The following GLRB variants were observed in gnomAD, a reference collection of about 807,000 sequenced individuals.
GLRB encodes the protein glycine receptor subunit beta.
In GLRB, 33 loss-of-function variants were observed where a neutral mutation model predicts 54.2. The observed-to-expected ratio is 0.61, with a 90% confidence interval of 0.46 to 0.81. The LOEUF (loss-of-function observed/expected upper bound fraction) is 0.81. GLRB is among the 40% of genes least tolerant of loss of function. GLRB has a pLI of 0.00. For synonymous variants in GLRB, 209 were observed against 208.2 expected, an observed-to-expected ratio of 1.00 and a Z score of -0.03; for missense variants, 572 against 584.6, an observed-to-expected ratio of 0.98 and a Z score of 0.22.
At chr4:157,147,295 A>C (rs1043247553) in intron 8 of GLRB, among the ~76,000 whole-genome samples, 11 of 152,208 alleles carry the variant, frequency 7.2e-5, no homozygotes, top group Non-Finnish European at 1.3e-4. Context: ...AAGTGAACAA[A>C]GTATTTCTAG....
intron 7 of GLRB, among the ~76,000 whole-genome samples, chr4:157,140,965 TA>T (rs759666816): frequency 1.3e-5 from 2 of 151,676 alleles, no homozygotes; most frequent in East Asian, 1.9e-4. Context: ...AGCTCTACAT[TA>T]AAAAAAATCT....
chr4:157,099,377 C>G (rs1424011543), intron 2 of GLRB, among the ~76,000 whole-genome samples: 1 of 151,292 alleles, frequency 6.6e-6, no homozygotes, highest in East Asian at 1.9e-4. Context: ...CTCACTGTCA[C>G]CCAGGCTGGA....
intron 1 of GLRB, among the ~76,000 whole-genome samples, chr4:157,077,701 GT>G (rs1734086902): frequency 6.7e-6 from 1 of 149,988 alleles, no homozygotes; most frequent in Non-Finnish European, 1.5e-5. Flanking sequence ...ATAATTTTGT[GT>G]AGCTATAGAA....
At chr4:157,103,738 C>T (rs751173597) in intron 2 of GLRB, among the ~76,000 whole-genome samples, 44 of 151,882 alleles carry the variant, frequency 2.9e-4, no homozygotes, top group Admixed American at 3.9e-4. Context: ...TTATAGTTTT[C>T]GGTGGACAAG....
intron 4 of GLRB, 187 bp from the exon 5 acceptor site, chr4:157,136,282 G>T (rs1736395543): frequency 1.7e-6 from 1 of 589,784 alleles, no homozygotes; most frequent in African/African-American, 1.9e-5. Context: ...ATTACATAGA[G>T]ACAAGTGTCT....
At position 157,136,485 on chromosome 4, in the gene GLRB, T is replaced by C; in HGVS notation, c.314T>C (p.Ile105Thr). 6.2e-7 allele frequency: 1 copy of C among 1,603,294 alleles called. No homozygotes were observed. The highest frequency in any genetic ancestry group is 1.3e-5 in the African/African-American group (1 of 74,862). The change falls in exon 5 of 10, where the codon ATC becomes ACC. Residue 105 changes from isoleucine to threonine, a missense_variant. By Grantham distance (89) the Ile-to-Thr change is moderately conservative. Coordinates refer to ENST00000264428, the MANE Select transcript of GLRB (RefSeq NM_000824.5). ...TTTCTTCAGGACTATAGAGTTAACA[T>C]CTTCCTGAGACAAAAATGGAATGAC... ...QETTMDYRVN[I>T]FLRQKWNDPR...
At chr4:157,155,928 G>A (rs531022442) in intron 9 of GLRB, among the ~76,000 whole-genome samples, 1 of 151,904 alleles carries the variant, frequency 6.6e-6, no homozygotes, top group East Asian at 1.9e-4. Context: ...TAACACAAAT[G>A]CTAGATTTGT....
At chr4:157,144,967 G>A (rs1255939027) in intron 8 of GLRB, among the ~76,000 whole-genome samples, 1 of 151,902 alleles carries the variant, frequency 6.6e-6, no homozygotes, top group Non-Finnish European at 1.5e-5. Flanking sequence ...ATTTCATCAT[G>A]GATAAAAACT....
intron 1 of GLRB, among the ~76,000 whole-genome samples, chr4:157,077,710 G>T (rs995207620): frequency 2.0e-5 from 3 of 150,498 alleles, no homozygotes; most frequent in African/African-American, 4.9e-5. Flanking sequence ...TGTAGCTATA[G>T]AATCAGAAAT....
intron 8 of GLRB, among the ~76,000 whole-genome samples, chr4:157,150,685 C>T (rs1290194376): frequency 1.3e-5 from 2 of 152,008 alleles, no homozygotes; most frequent in Non-Finnish European, 2.9e-5. Context: ...GTTTTCCTGA[C>T]AAAGTCATCT....
chr4:157,134,015 A>G (rs1736311054), intron 4 of GLRB, among the ~76,000 whole-genome samples: 1 of 152,046 alleles, frequency 6.6e-6, no homozygotes, highest in Admixed American at 6.6e-5. Flanking sequence ...GTGTGCGTGT[A>G]TGGAAATTTT....
chr4:157,099,285 T>C (rs765659585), intron 2 of GLRB, among the ~76,000 whole-genome samples: 166 of 152,224 alleles, frequency 1.1e-3, no homozygotes, highest in Admixed American at 2.4e-3. Flanking sequence ...GCTGTTACTA[T>C]TGAATATTCA....
intron 8 of GLRB, among the ~76,000 whole-genome samples, chr4:157,145,061 A>G (rs1736758883): frequency 6.6e-6 from 1 of 152,170 alleles, no homozygotes; most frequent in African/African-American, 2.4e-5. Flanking sequence ...AAAAATATAT[A>G]TTTCTCTCAA....
intron 4 of GLRB, 88 bp from the exon 5 acceptor site, chr4:157,136,378 AATC>A: frequency 4.0e-6 from 3 of 750,486 alleles, no homozygotes; most frequent in Non-Finnish European, 7.1e-6. Context: ...TTGTGCCACT[AATC>A]ATTGTAACCC....
intron 4 of GLRB, among the ~76,000 whole-genome samples, chr4:157,124,932 C>T (rs1579219070): frequency 6.6e-6 from 1 of 151,902 alleles, no homozygotes; most frequent in South Asian, 2.1e-4. Flanking sequence ...TAGAATTGTA[C>T]ACATATATCA....
chr4:157,167,210 A>C (rs1436131201), intron 9 of GLRB, among the ~76,000 whole-genome samples: 1 of 152,188 alleles, frequency 6.6e-6, no homozygotes, highest in Non-Finnish European at 1.5e-5. Context: ...GAGAAAGAGC[A>C]ACTATGATAC....
intron 2 of GLRB, among the ~76,000 whole-genome samples, chr4:157,097,742 C>T (rs999765772): frequency 4.6e-5 from 7 of 152,168 alleles, no homozygotes; most frequent in South Asian, 2.1e-4. Flanking sequence ...ATTTCCCAGC[C>T]GGGCACACTG....
chr4:157,149,497 T>C (rs1019902766), intron 8 of GLRB, among the ~76,000 whole-genome samples: 8 of 151,984 alleles, frequency 5.3e-5, no homozygotes, highest in Non-Finnish European at 1.2e-4. Flanking sequence ...AAGGGAATAC[T>C]TTTTTTAACA....
At chr4:157,119,315 T>C (rs72980514) in intron 2 of GLRB, among the ~76,000 whole-genome samples, 9,050 of 151,682 alleles carry the variant, frequency 0.06, 670 homozygotes, top group African/African-American at 0.18. Context: ...TTCACTGTAT[T>C]TCTTGGGGAA....
Sources: allele counts gnomAD v4.1 joint callset (sites outside exome capture counted in the v4.1 genomes callset), GRCh38; gene constraint gnomAD v4.1.1; transcripts MANE v1.5; gene names NCBI Gene and HGNC (gene_info 2026-07-23, HGNC 2026-07-21).